The following ZFHX3 variants were observed in gnomAD, a reference collection of about 807,000 sequenced individuals.
The protein encoded by ZFHX3 is zinc finger homeobox protein 3.
ZFHX3 carries 42 observed loss-of-function variants against 279.1 expected under a neutral mutation model. The observed-to-expected ratio is 0.15, with a 90% CI of 0.12 to 0.19. The LOEUF is 0.19. ZFHX3 is among the 10% of genes least tolerant of loss of function. The pLI is 1.00. For synonymous variants in ZFHX3, 2,293 were observed against 1,957.8 expected (o/e 1.17, Z -4.52); for missense variants, 4,981 against 4,754.0 (o/e 1.05, Z -1.40).
intron 3 of ZFHX3, among the ~76,000 whole-genome samples, chr16:72,907,968 C>G (rs561229652): frequency 6.6e-6 from 1 of 152,202 alleles, no homozygotes; most frequent in African/African-American, 2.4e-5. Flanking sequence ...ACAGCATTAG[C>G]CACCGTGCCC....
Position 73,045,640 on chromosome 16 carries a change from CATTATTATTATTATT to C in ZFHX3, c.-50+2097_-50+2111del, listed in dbSNP as rs10602067. 5.7e-3 allele frequency among the ~76,000 whole-genome samples: 808 copies of C among 142,986 alleles called. 9 individuals carry two copies. The highest frequency in any genetic ancestry group is 0.018 in the African/African-American group (718 of 39,632). 93.8% of individuals were successfully genotyped at this position (142,986 alleles called of 152,430 possible). A position where few individuals can be genotyped will look rare whatever the true frequency, so the allele number is the denominator to read the frequency against. ...TGGTTGGGGAAGCAGCATGGATTTA[CATTATTATTATTATT>C]ATTATTATTATTATTATTATTATTA... On this transcript the variant is annotated intron_variant, in intron 1 of 9. Coordinates refer to ENST00000268489, the MANE Select transcript of ZFHX3 (RefSeq NM_006885.4).
intron 2 of ZFHX3, among the ~76,000 whole-genome samples, chr16:73,456,621 C>CT (rs1363811857): frequency 6.6e-6 from 1 of 152,234 alleles, no homozygotes; most frequent in Non-Finnish European, 1.5e-5. Flanking sequence ...TACTCAGAAT[C>CT]ACAAGCTTCT....
chr16:73,390,726 G>A (rs1209057689), intron 3 of ZFHX3, among the ~76,000 whole-genome samples: 1 of 152,042 alleles, frequency 6.6e-6, no homozygotes, highest in Non-Finnish European at 1.5e-5. Flanking sequence ...TGGGAACAAT[G>A]GAGGATGGAC....
At chr16:73,687,070 A>G (rs1226724757) in intron 1 of ZFHX3, among the ~76,000 whole-genome samples, 1 of 111,434 alleles carries the variant, frequency 9.0e-6, no homozygotes, top group African/African-American at 3.4e-5. Flanking sequence ...ATATATTTGC[A>G]GCTTTAAGTC....
intron 2 of ZFHX3, among the ~76,000 whole-genome samples, chr16:73,628,651 CTT>C (rs1339700570): frequency 6.6e-6 from 1 of 152,200 alleles, no homozygotes; most frequent in Admixed American, 6.5e-5. Context: ...ACTTGTGTCT[CTT>C]TTAATTGTTC....
intron 2 of ZFHX3, among the ~76,000 whole-genome samples, chr16:73,556,867 A>G (rs753988685): frequency 7.9e-5 from 12 of 151,824 alleles, no homozygotes; most frequent in Non-Finnish European, 1.6e-4. Flanking sequence ...AGGCCGAGAC[A>G]GGCAGATCAC....
chr16:73,281,864 T>C (rs576741748), intron 4 of ZFHX3, among the ~76,000 whole-genome samples: 1 of 152,272 alleles, frequency 6.6e-6, no homozygotes, highest in South Asian at 2.1e-4. Flanking sequence ...AATATAAATA[T>C]GATCAGGGGT....
chr16:73,236,132 G>A (rs892383854), intron 5 of ZFHX3, among the ~76,000 whole-genome samples: 1 of 152,164 alleles, frequency 6.6e-6, no homozygotes, highest in Non-Finnish European at 1.5e-5. Context: ...TAAAAATATA[G>A]ATATTAGCAA....
chr16:73,144,942 T>A (rs920350622), intron 5 of ZFHX3, among the ~76,000 whole-genome samples: 1 of 152,246 alleles, frequency 6.6e-6, no homozygotes, highest in Non-Finnish European at 1.5e-5. Flanking sequence ...GTAAAGTACA[T>A]TGCAATCTAA....
chr16:73,589,259 CAAAAAAAA>C (rs34481194), intron 2 of ZFHX3, among the ~76,000 whole-genome samples: 37 of 30,944 alleles, frequency 1.2e-3, no homozygotes, highest in East Asian at 7.6e-3. Context: ...GATTCTGTCT[CAAAAAAAA>C]AAAAAAAAAA....
intron 2 of ZFHX3, among the ~76,000 whole-genome samples, chr16:73,527,798 G>A (rs1027429335): frequency 2.0e-5 from 3 of 152,160 alleles, no homozygotes; most frequent in Non-Finnish European, 2.9e-5. Context: ...CACCAGTCAC[G>A]TGTGTGAACT....
At chr16:73,642,480 C>T (rs2052582707) in intron 2 of ZFHX3, among the ~76,000 whole-genome samples, 1 of 152,164 alleles carries the variant, frequency 6.6e-6, no homozygotes, top group Non-Finnish European at 1.5e-5. Flanking sequence ...TCAATGGATA[C>T]ATTCCTCAAT....
At chr16:73,217,832 C>T (rs1045166575) in intron 5 of ZFHX3, among the ~76,000 whole-genome samples, 3 of 151,902 alleles carry the variant, frequency 2.0e-5, no homozygotes, top group Admixed American at 6.6e-5. Flanking sequence ...GGCTCCAAGG[C>T]GGTCCAGACT....
chr16:73,833,181 A>G (rs1324257203), intron 1 of ZFHX3, among the ~76,000 whole-genome samples: 1 of 152,102 alleles, frequency 6.6e-6, no homozygotes, highest in Non-Finnish European at 1.5e-5. Flanking sequence ...CAGGCGACGT[A>G]GCAAGACCTC....
chr16:73,100,102 A>G (rs1033537303), intron 7 of ZFHX3, among the ~76,000 whole-genome samples: 1 of 152,208 alleles, frequency 6.6e-6, no homozygotes, highest in Non-Finnish European at 1.5e-5. Flanking sequence ...ACTGTTGACA[A>G]TTCCGGGGCT....
intron 6 of ZFHX3, among the ~76,000 whole-genome samples, chr16:73,141,170 G>A (rs865974239): frequency 6.6e-6 from 1 of 152,252 alleles, no homozygotes; most frequent in South Asian, 2.1e-4. Flanking sequence ...GATGTTTGCC[G>A]ACTGGGTGAA....
At chr16:73,350,996 T>C (rs1056883677) in intron 3 of ZFHX3, among the ~76,000 whole-genome samples, 1 of 152,010 alleles carries the variant, frequency 6.6e-6, no homozygotes, top group South Asian at 2.1e-4. Flanking sequence ...AAAATGGAGG[T>C]GTCAGCATCC....
At chr16:73,549,343 T>A (rs868711459) in intron 2 of ZFHX3, among the ~76,000 whole-genome samples, 3 of 152,122 alleles carry the variant, frequency 2.0e-5, no homozygotes, top group Admixed American at 6.5e-5. Context: ...AAAATATTTT[T>A]CATATATATT....
chr16:73,210,211 C>T (rs766400675), intron 5 of ZFHX3, among the ~76,000 whole-genome samples: 4 of 152,070 alleles, frequency 2.6e-5, no homozygotes, highest in Non-Finnish European at 5.9e-5. Context: ...TGTCTAAAAT[C>T]GCCAAAAGAT....
Sources: gnomAD v4.1 joint callset for allele counts (sites outside exome capture counted in the v4.1 genomes callset) on GRCh38, gnomAD v4.1.1 for gene constraint, MANE v1.5 for transcripts, NCBI Gene and HGNC (gene_info 2026-07-23, HGNC 2026-07-21) for gene names.